Variants in PPP1R9A observed in about 807,000 individuals in gnomAD.
PPP1R9A encodes neurabin-1.
Under a neutral mutation model 141.9 loss-of-function variants are expected in PPP1R9A, and 59 were observed. That is an observed-to-expected ratio of 0.42 (90% CI 0.34 to 0.52). PPP1R9A has a LOEUF of 0.52. Among genes scored for constraint, PPP1R9A ranks in the 20% least tolerant of loss-of-function variants. PPP1R9A has a pLI of 0.10. For synonymous variants in PPP1R9A, 500 were observed against 569.7 expected, an observed-to-expected ratio of 0.88 and a Z score of 1.74; for missense variants, 1,444 against 1,611.9, an observed-to-expected ratio of 0.90 and a Z score of 1.78.
chr7:95,116,420 A>G (rs73429080), intron 3 of PPP1R9A, among the ~76,000 whole-genome samples: 10,463 of 152,178 alleles, frequency 0.069, 940 homozygotes, highest in African/African-American at 0.2. Flanking sequence ...ATAAAAATCA[A>G]TTTTTTCTAT....
intron 18 of PPP1R9A, among the ~76,000 whole-genome samples, chr7:95,288,334 A>G (rs1805728411): frequency 1.3e-5 from 2 of 152,170 alleles, no homozygotes; most frequent in Non-Finnish European, 2.9e-5. Context: ...CTTTTTTATT[A>G]TGGGGAATTT....
At chr7:94,912,026 G>A (rs887336566) in intron 2 of PPP1R9A, among the ~76,000 whole-genome samples, 3 of 152,052 alleles carry the variant, frequency 2.0e-5, no homozygotes, top group African/African-American at 7.2e-5. Context: ...CTTTTTTTGG[G>A]GGGTACTGCT....
At chr7:95,249,648 T>C (rs961988774) in intron 9 of PPP1R9A, among the ~76,000 whole-genome samples, 4 of 152,074 alleles carry the variant, frequency 2.6e-5, no homozygotes, top group Non-Finnish European at 5.9e-5. Flanking sequence ...TTTTAGTTAA[T>C]TTTTTATATA....
intron 7 of PPP1R9A, among the ~76,000 whole-genome samples, chr7:95,225,505 G>A (rs892222863): frequency 2.6e-5 from 4 of 152,130 alleles, no homozygotes; most frequent in Non-Finnish European, 5.9e-5. Flanking sequence ...ACGCTTAGGA[G>A]AATTAATCAG....
Position 95,252,042 on chromosome 7 carries a change from A to G in PPP1R9A, c.2577A>G (p.Arg859=), listed in dbSNP as rs764251779. The change falls in exon 12 of 20, where the codon AGA becomes AGG. Residue 859 remains arginine, a synonymous_variant. Transcript: ENST00000433360. Reference sequence around the variant, plus strand: ...ACAATAATAACAACATCTTTGAGAGAAGAACATCTCTTGGTGAAGTCTCTA... The same window carrying G: ...ACAATAATAACAACATCTTTGAGAGGAGAACATCTCTTGGTGAAGTCTCTA... ...QVNNNNNIFE[R]RTSLGEVSKG... is the part of the protein sequence containing the mutation. 1.2e-6 allele frequency: 2 copies of G among 1,613,612 alleles called. No individual in the cohort carries two copies. The highest frequency in any genetic ancestry group is 4.5e-5 in the East Asian group (2 of 44,828).
chr7:95,183,668 C>T (rs1269037687), intron 5 of PPP1R9A, among the ~76,000 whole-genome samples: 2 of 151,280 alleles, frequency 1.3e-5, no homozygotes, highest in Non-Finnish European at 2.9e-5. Context: ...AGGATGGTCT[C>T]GATCTCTTGA....
chr7:95,236,787 ACT>A (rs1432131651), intron 8 of PPP1R9A, among the ~76,000 whole-genome samples: 23 of 150,284 alleles, frequency 1.5e-4, no homozygotes, highest in African/African-American at 5.6e-4. Context: ...ATTTTTAATA[ACT>A]CTTACATTCT....
At chr7:95,170,520 A>G (rs1054980199) in intron 5 of PPP1R9A, among the ~76,000 whole-genome samples, 11 of 151,668 alleles carry the variant, frequency 7.3e-5, no homozygotes, top group Non-Finnish European at 1.0e-4. Flanking sequence ...TGTACAGTGA[A>G]CCAAAGATGA....
chr7:95,020,421 A>G (rs1805774720), intron 2 of PPP1R9A, among the ~76,000 whole-genome samples: 1 of 152,176 alleles, frequency 6.6e-6, no homozygotes, highest in South Asian at 2.1e-4. Context: ...TTGTAAGTTC[A>G]ACTTTATCAT....
At chr7:95,168,140 A>C (rs1315493419) in intron 5 of PPP1R9A, among the ~76,000 whole-genome samples, 1 of 152,164 alleles carries the variant, frequency 6.6e-6, no homozygotes, top group Admixed American at 6.6e-5. Flanking sequence ...TGACTTCAAA[A>C]TGTATCACAA....
intron 4 of PPP1R9A, among the ~76,000 whole-genome samples, chr7:95,147,222 G>A (rs1045882415): frequency 3.0e-4 from 45 of 152,278 alleles, no homozygotes; most frequent in African/African-American, 1.0e-3. Context: ...TCGCTTGTAA[G>A]TTGTATTCCT....
intron 4 of PPP1R9A, among the ~76,000 whole-genome samples, chr7:95,140,846 TG>T (rs573206870): frequency 6.6e-6 from 1 of 152,330 alleles, no homozygotes; most frequent in Non-Finnish European, 1.5e-5. Context: ...CCAGAGTAAC[TG>T]GGACCACTGG....
intron 5 of PPP1R9A, among the ~76,000 whole-genome samples, chr7:95,196,839 C>G (rs1836356918): frequency 6.6e-6 from 1 of 152,066 alleles, no homozygotes; most frequent in Non-Finnish European, 1.5e-5. Flanking sequence ...GTGGTAATTA[C>G]GCGTTTACAT....
intron 5 of PPP1R9A, among the ~76,000 whole-genome samples, chr7:95,185,195 T>C (rs1320866092): frequency 6.6e-6 from 1 of 151,958 alleles, no homozygotes; most frequent in African/African-American, 2.4e-5. Context: ...TGCCAACATC[T>C]ATGTTTTTTG....
chr7:94,999,968 A>T (rs897198812), intron 2 of PPP1R9A, among the ~76,000 whole-genome samples: 11 of 151,744 alleles, frequency 7.2e-5, no homozygotes, highest in Non-Finnish European at 1.5e-4. Context: ...CGCCAGGCTA[A>T]TTTTTTGTAT....
intron 7 of PPP1R9A, among the ~76,000 whole-genome samples, chr7:95,208,752 T>C (rs1050099632): frequency 1.1e-4 from 16 of 151,584 alleles, no homozygotes; most frequent in African/African-American, 3.9e-4. Context: ...TAAAAATAAA[T>C]GTTTCCTAAA....
chr7:94,964,600 C>G (rs1797999893), intron 2 of PPP1R9A, among the ~76,000 whole-genome samples: 1 of 152,068 alleles, frequency 6.6e-6, no homozygotes, highest in Admixed American at 6.5e-5. Context: ...GTTTTCTGTT[C>G]CTGTCGTAGT....
At chr7:94,980,572 A>G (rs907279130) in intron 2 of PPP1R9A, among the ~76,000 whole-genome samples, 2 of 150,736 alleles carry the variant, frequency 1.3e-5, no homozygotes, top group Non-Finnish European at 2.9e-5. Context: ...AGTAGCTGGG[A>G]CTACAGGCGC....
intron 2 of PPP1R9A, among the ~76,000 whole-genome samples, chr7:95,074,137 A>G (rs1814454502): frequency 6.6e-6 from 1 of 152,186 alleles, no homozygotes; most frequent in Admixed American, 6.6e-5. Context: ...ACAAATGTCT[A>G]TCTCATAGAG....
Sources: allele counts gnomAD v4.1 joint callset (sites outside exome capture counted in the v4.1 genomes callset), GRCh38; gene constraint gnomAD v4.1.1; transcripts MANE v1.5; gene names NCBI Gene and HGNC (gene_info 2026-07-23, HGNC 2026-07-21).